The following CAPN13 variants were observed in gnomAD, a reference collection of about 807,000 sequenced individuals.
The protein encoded by CAPN13 is calpain 13.
A neutral mutation model predicts 98.4 loss-of-function variants in CAPN13; 90 were observed. The observed-to-expected ratio is 0.92, with a 90% confidence interval of 0.77 to 1.09. The LOEUF is 1.09. CAPN13 is among the 50% of genes least tolerant of loss of function. The pLI is 0.00. For synonymous variants in CAPN13, 330 were observed against 305.5 expected (o/e 1.08, Z -0.84); for missense variants, 887 against 841.3 (o/e 1.05, Z -0.67).
At chr2:30,759,828 C>G (rs1322381149) in intron 7 of CAPN13, among the ~76,000 whole-genome samples, 11 of 152,174 alleles carry the variant, frequency 7.2e-5, no homozygotes, top group Admixed American at 7.2e-4. Context: ...TCGACTGTGA[C>G]CCTTGAGCCA....
chr2:30,749,619 A>G (rs1270274943), intron 11 of CAPN13, among the ~76,000 whole-genome samples: 1 of 152,216 alleles, frequency 6.6e-6, no homozygotes, highest in Admixed American at 6.5e-5. Flanking sequence ...GGTGCTCAGA[A>G]AGGTGACTTG....
chr2:30,800,107 AAAAGAAAGAAAAGAAAG>A (rs1675118059), intron 1 of CAPN13, among the ~76,000 whole-genome samples: 1 of 120,014 alleles, frequency 8.3e-6, no homozygotes, highest in Non-Finnish European at 1.7e-5. Context: ...AGAAAGAAAG[AAAAGAAAGAAAAGAAAG>A]AAAGAAAGAA....
intron 2 of CAPN13, among the ~76,000 whole-genome samples, chr2:30,778,609 G>T (rs1033234915): frequency 2.0e-5 from 3 of 152,220 alleles, no homozygotes; most frequent in African/African-American, 7.2e-5. Flanking sequence ...AGCCATTCAT[G>T]TACAGAGTCA....
intron 1 of CAPN13, among the ~76,000 whole-genome samples, chr2:30,795,834 T>A (rs1674828849): frequency 6.6e-6 from 1 of 152,084 alleles, no homozygotes; most frequent in South Asian, 2.1e-4. Flanking sequence ...TATGGGAATT[T>A]AATGTAAGAA....
chr2:30,766,543 C>G (rs1673120704), intron 5 of CAPN13, among the ~76,000 whole-genome samples: 1 of 152,210 alleles, frequency 6.6e-6, no homozygotes, highest in African/African-American at 2.4e-5. Flanking sequence ...CCTTTGCTGA[C>G]AGGAAGTAGA....
chr2:30,755,614 C>T (rs1408369002), intron 8 of CAPN13, among the ~76,000 whole-genome samples: 1 of 152,036 alleles, frequency 6.6e-6, no homozygotes, highest in Non-Finnish European at 1.5e-5. Context: ...AGAGGGGAGG[C>T]ATGCTTGTAA....
chr2:30,768,703 T>A (rs191072768), intron 5 of CAPN13, among the ~76,000 whole-genome samples: 54 of 152,218 alleles, frequency 3.5e-4, no homozygotes, highest in Admixed American at 1.2e-3. Context: ...CCTTCCTTCC[T>A]TCCTTTTATC....
chr2:30,747,491 T>C (rs1194831362), intron 11 of CAPN13, among the ~76,000 whole-genome samples: 3 of 152,146 alleles, frequency 2.0e-5, no homozygotes, highest in East Asian at 1.9e-4. Context: ...GTCCAGGCCT[T>C]GGGGAGGAAC....
At chr2:30,727,339 C>T (rs970704687) in intron 22 of CAPN13, among the ~76,000 whole-genome samples, 2 of 152,158 alleles carry the variant, frequency 1.3e-5, no homozygotes, top group Middle Eastern at 3.2e-3. Context: ...ATTAAAGACT[C>T]ATATGCTACA....
intron 8 of CAPN13, among the ~76,000 whole-genome samples, chr2:30,755,934 T>A (rs6739240): frequency 3.3e-5 from 5 of 152,050 alleles, no homozygotes; most frequent in African/African-American, 4.8e-5. Flanking sequence ...GACCATCCGG[T>A]GCTCTCCATC....
chr2:30,755,336 G>A (rs765367140), intron 8 of CAPN13, among the ~76,000 whole-genome samples: 3 of 152,060 alleles, frequency 2.0e-5, no homozygotes, highest in Non-Finnish European at 4.4e-5. Flanking sequence ...TGGTTGCTAT[G>A]TCTCACTAGA....
intron 2 of CAPN13, among the ~76,000 whole-genome samples, chr2:30,780,414 T>G (rs571414829): frequency 1.3e-5 from 2 of 152,364 alleles, no homozygotes; most frequent in East Asian, 3.9e-4. Context: ...AAGGATAGTT[T>G]CACATCAGAC....
intron 7 of CAPN13, among the ~76,000 whole-genome samples, 199 bp downstream of exon 7, chr2:30,762,883 A>C (rs942483058): frequency 6.6e-6 from 1 of 152,214 alleles, no homozygotes; most frequent in Non-Finnish European, 1.5e-5. Context: ...CTCAGAAAGG[A>C]GGACACTGGG....
chr2:30,751,054 G>T (rs776738040), intron 11 of CAPN13, 49 bp downstream of exon 11: 1 of 1,597,108 alleles, frequency 6.3e-7, no homozygotes, highest in South Asian at 1.1e-5. Flanking sequence ...CCAACTCAAG[G>T]TTTACACTAA....
At chr2:30,742,040 C>A in intron 14 of CAPN13, 76 bp from the exon 15 acceptor site, 2 of 1,296,220 alleles carry the variant, frequency 1.5e-6, no homozygotes, top group Non-Finnish European at 2.2e-6. Context: ...AAGGGTGCAA[C>A]AACCCCTGCC....
At chr2:30,735,669 AC>A (rs1303862763) in intron 18 of CAPN13, among the ~76,000 whole-genome samples, 2 of 151,940 alleles carry the variant, frequency 1.3e-5, no homozygotes, top group African/African-American at 4.8e-5. Context: ...AAACCAAGTG[AC>A]CCCTAGTCGG....
intron 1 of CAPN13, among the ~76,000 whole-genome samples, chr2:30,789,299 G>A (rs1674487833): frequency 6.6e-6 from 1 of 152,126 alleles, no homozygotes; most frequent in Admixed American, 6.5e-5. Context: ...CGGGGACAGT[G>A]GAACCAGTAT....
chr2:30,796,173 T>TATATATATATAC (rs1553321127), intron 1 of CAPN13, among the ~76,000 whole-genome samples: 106 of 139,130 alleles, frequency 7.6e-4, no homozygotes, highest in Middle Eastern at 3.6e-3. Flanking sequence ...TATATGTGTG[T>TATATATATATAC]ATATATATAT....
chr2:30,800,098 G>GAAAGAAAGAAAAGAAAGAAAAGAAAGA (rs1319698444), intron 1 of CAPN13, among the ~76,000 whole-genome samples: 34 of 100,558 alleles, frequency 3.4e-4, no homozygotes, highest in African/African-American at 1.1e-3. Flanking sequence ...AGAAAGAAAA[G>GAAAGAAAGAAAAGAAAGAAAAGAAAGA]AAAGAAAGAA....
Sources: gnomAD v4.1 joint callset for allele counts (sites outside exome capture counted in the v4.1 genomes callset) on GRCh38, gnomAD v4.1.1 for gene constraint, MANE v1.5 for transcripts, NCBI Gene and HGNC (gene_info 2026-07-23, HGNC 2026-07-21) for gene names.